Variants in CFAP97 observed in about 807,000 individuals in gnomAD.
CFAP97 encodes the protein cilia and flagella associated protein 97, also known as cilia- and flagella-associated protein 97.
CFAP97 carries 36 observed loss-of-function variants against 43.1 expected under a neutral mutation model. That is an observed-to-expected ratio of 0.84 (90% CI 0.64 to 1.10). The LOEUF is 1.10. Ranked by LOEUF, CFAP97 falls within the 50% of genes least tolerant of loss-of-function variation. The pLI, the probability that CFAP97 is intolerant of heterozygous loss-of-function variation, is 0.00. For synonymous variants in CFAP97, 228 were observed against 225.7 expected, an observed-to-expected ratio of 1.01 and a Z score of -0.09; for missense variants, 657 against 620.3, an observed-to-expected ratio of 1.06 and a Z score of -0.63.
At chr4:185,209,704 C>A, upstream of CFAP97, 1 of 980,608 alleles carries the variant, frequency 1.0e-6, no homozygotes, top group South Asian at 4.7e-5. The surrounding 1 kb of genome is among the most constrained non-coding windows in gnomAD (Gnocchi z 5.2). Context: ...GCGGCGTCTG[C>A]GGGGGCCGCT....
chr4:185,169,970 T>C (rs1329029308), intron 3 of CFAP97: 14 of 1,045,654 alleles, frequency 1.3e-5, no homozygotes, highest in African/African-American at 3.4e-5. Flanking sequence ...TTAATATTCA[T>C]AGTAGGTATG....
At position 185,160,848 on chromosome 4, in the gene CFAP97, A is replaced by G. The variant is rs1161014787; in HGVS notation, c.*1950T>C. 6.8e-6 allele frequency: 1 copy of G among 147,300 alleles called. No individual in the cohort carries two copies. Among genetic ancestry groups the G allele is most frequent in the Non-Finnish European group, 1.5e-5 (1 of 66,712 alleles). 9.1% of individuals were successfully genotyped at this position (147,300 alleles called of 1,614,324 possible). On this transcript the variant is annotated 3_prime_UTR_variant, in exon 5 of 5. Coordinates refer to ENST00000458385, the MANE Select transcript of CFAP97 (RefSeq NM_020827.3). ...ATATAAATATATAATCTTTATATATATATAAAAATCTTTTTTAAAAGATTT... is the reference window on the plus strand; with the variant it reads ...ATATAAATATATAATCTTTATATATGTATAAAAATCTTTTTTAAAAGATTT...
At chr4:185,181,027 C>T (rs1735758647) in intron 2 of CFAP97, among the ~76,000 whole-genome samples, 1 of 151,962 alleles carries the variant, frequency 6.6e-6, no homozygotes, top group African/African-American at 2.4e-5. Context: ...AAAAAGTCAG[C>T]GAGTGGCAGA....
intron 3 of CFAP97, among the ~76,000 whole-genome samples, chr4:185,165,425 A>G (rs1579226613): frequency 6.6e-6 from 1 of 152,354 alleles, no homozygotes; most frequent in East Asian, 1.9e-4. Context: ...AATTTTGTTT[A>G]TAACTATTTC....
Position 185,192,209 on chromosome 4 carries a change from T to C in CFAP97, c.-16-997A>G, listed in dbSNP as rs527951409. On this transcript the variant is annotated intron_variant, in intron 1 of 4. Coordinates refer to ENST00000458385, the MANE Select transcript of CFAP97 (RefSeq NM_020827.3). ...GTCACACATACAGGCTGCACAGGTA[T>C]GTCGAACTTCTGAATATGTAATCAC... Among the ~76,000 whole-genome samples, 122 of 152,334 alleles carry C rather than the reference T, an allele frequency of 8.0e-4. 1 individual carries two copies. Among genetic ancestry groups the C allele is most frequent in the African/African-American group, 2.7e-3 (114 of 41,582 alleles).
At chr4:185,183,351 T>G (rs1735877273) in intron 2 of CFAP97, among the ~76,000 whole-genome samples, 1 of 152,216 alleles carries the variant, frequency 6.6e-6, no homozygotes, top group East Asian at 1.9e-4. Flanking sequence ...GCTCACATGT[T>G]GTCTTCACCA....
At chr4:185,174,776 C>G (rs979031951) in intron 3 of CFAP97, among the ~76,000 whole-genome samples, 1 of 152,160 alleles carries the variant, frequency 6.6e-6, no homozygotes, top group Non-Finnish European at 1.5e-5. Flanking sequence ...AAATAGTTAT[C>G]TACTTCAGAG....
intron 2 of CFAP97, among the ~76,000 whole-genome samples, chr4:185,180,992 T>C (rs925930668): frequency 5.9e-5 from 9 of 152,174 alleles, no homozygotes; most frequent in Admixed American, 5.2e-4. Context: ...AAACCAATTA[T>C]ATGTGAACAT....
At position 185,175,774 on chromosome 4, in the gene CFAP97, T is replaced by C. The variant is rs1471384555; in HGVS notation, c.1320+12A>G. On this transcript the variant is annotated intron_variant, in intron 3 of 4. Coordinates refer to ENST00000458385, the MANE Select transcript of CFAP97 (RefSeq NM_020827.3). Reference sequence around the variant, plus strand: ...ACATTTTCTTTGATGACTAATTATTTCAGTTACTTACCAAGTTTTCTCTCT... The same window carrying C: ...ACATTTTCTTTGATGACTAATTATTCCAGTTACTTACCAAGTTTTCTCTCT... 49 of 1,607,790 alleles carry C rather than the reference T, an allele frequency of 3.0e-5. No homozygotes were observed. Among genetic ancestry groups the C allele is most frequent in the Non-Finnish European group, 3.8e-5 (45 of 1,176,106 alleles).
intron 2 of CFAP97, among the ~76,000 whole-genome samples, chr4:185,182,809 C>T (rs1461248370): frequency 6.6e-6 from 1 of 152,078 alleles, no homozygotes; most frequent in Admixed American, 6.6e-5. Context: ...ATTTCATAAA[C>T]AACAAACGGG....
At position 185,190,879 on chromosome 4, in the gene CFAP97, A is replaced by G. The variant is rs574353661; in HGVS notation, c.318T>C (p.Val106=). The G allele has an allele frequency of 1.9e-6, 3 of 1,612,826 alleles. No homozygotes were observed. Among genetic ancestry groups the G allele is most frequent in the Non-Finnish European group, 2.5e-6 (3 of 1,179,382 alleles). The change falls in exon 2 of 5, where the codon GTT becomes GTC. Residue 106 remains valine (V), a synonymous_variant. Transcript: ENST00000458385. Reference sequence around the variant, plus strand: ...ACACGTGTATTTTAAGTCCTGTTGTAACATCACACAATTTTTTTGATCTTG... The same window carrying G: ...ACACGTGTATTTTAAGTCCTGTTGTGACATCACACAATTTTTTTGATCTTG... ...ASSRSKKLCD[V]TTGLKIHVSI...
At chr4:185,177,129 T>C (rs7682368) in intron 2 of CFAP97, among the ~76,000 whole-genome samples, 70,026 of 152,036 alleles carry the variant, frequency 0.46, 16,158 homozygotes, top group Middle Eastern at 0.56. Flanking sequence ...AGGGACACAC[T>C]GAGGCCAGGC....
In CFAP97 at chr4:185,190,926, A is replaced by T. The variant is rs1736220189; in HGVS notation, c.271T>A (p.Ser91Thr). 1 of 1,613,698 alleles carries T rather than the reference A, an allele frequency of 6.2e-7. No individual in the cohort carries two copies. Among genetic ancestry groups the T allele is most frequent in the African/African-American group, 1.3e-5 (1 of 74,928 alleles). The change falls in exon 2 of 5, where the codon TCT becomes ACT. Residue 91 changes from serine to threonine, a missense_variant. Physicochemically the swap from Ser to Thr is moderately conservative, Grantham distance 58. Coordinates refer to ENST00000458385, the MANE Select transcript of CFAP97 (RefSeq NM_020827.3). The part of the protein sequence containing the change: ...VENDVTQTVS[S>T]FSLPASSRSK... ...CTTGAAGAGGCTGGCAATGAGAAAGAACTTACAGTTTGTGTAACATCATTC... is the reference window on the plus strand; with the variant it reads ...CTTGAAGAGGCTGGCAATGAGAAAGTACTTACAGTTTGTGTAACATCATTC...
chr4:185,196,540 A>C (rs576540570), intron 1 of CFAP97, among the ~76,000 whole-genome samples: 114 of 152,254 alleles, frequency 7.5e-4, no homozygotes, highest in African/African-American at 2.6e-3. Flanking sequence ...TATTACTTAA[A>C]TGCATTGAGT....
chr4:185,194,857 T>C (rs1229082788), intron 1 of CFAP97, among the ~76,000 whole-genome samples: 2 of 152,226 alleles, frequency 1.3e-5, no homozygotes, highest in African/African-American at 2.4e-5. Context: ...AACCCCATTA[T>C]AGTTCCATTA....
In CFAP97 at chr4:185,190,232, T is replaced by C. The variant is rs532611860; in HGVS notation, c.965A>G (p.Lys322Arg). The change falls in exon 2 of 5, where the codon AAG becomes AGG. Residue 322 changes from lysine (K) to arginine (R), a missense_variant. By Grantham distance (26) the Lys-to-Arg change is conservative (BLOSUM62 2). Transcript: ENST00000458385. ...KEKHEPDVSS[K>R]SSSVLDSSLD... ...ACTGGAGTCTAACACTGAAGACGAC[T>C]TTGAGGAGACATCAGGCTCATGTTT... 4 of 1,613,746 alleles carry C rather than the reference T, an allele frequency of 2.5e-6. No individual in the cohort carries two copies. The African/African-American group carries it at 5.3e-5, about 21-fold the overall frequency.
chr4:185,194,992 T>G (rs566776663), intron 1 of CFAP97, among the ~76,000 whole-genome samples: 40 of 152,270 alleles, frequency 2.6e-4, no homozygotes, highest in African/African-American at 4.1e-4. Flanking sequence ...TTCTGCTACT[T>G]CCCAGTTGTG....
chr4:185,190,928 C>T lies in CFAP97; in HGVS notation c.269G>A (p.Ser90Asn), dbSNP rs759663072. The T allele has an allele frequency of 1.5e-4, 243 of 1,613,602 alleles. No homozygotes were observed. Among genetic ancestry groups the T allele is most frequent in the Non-Finnish European group, 1.9e-4 (228 of 1,179,776 alleles). ...PVENDVTQTVSSFSLPASSRS... is the reference protein window; with the variant it reads ...PVENDVTQTVNSFSLPASSRS... ...TGAAGAGGCTGGCAATGAGAAAGAA[C>T]TTACAGTTTGTGTAACATCATTCTC... Residue 90 changes from serine (S) to asparagine (N), a missense_variant, in exon 2 of 5, where the codon AGT becomes AAT. By Grantham distance (46) the Ser-to-Asn change is conservative. Coordinates refer to ENST00000458385, the MANE Select transcript of CFAP97 (RefSeq NM_020827.3).
intron 2 of CFAP97, among the ~76,000 whole-genome samples, chr4:185,188,053 C>T (rs1466573202): frequency 3.9e-5 from 6 of 151,944 alleles, no homozygotes; most frequent in East Asian, 3.9e-4. Context: ...CCTGCCACCA[C>T]GCCCAGCTAA....
Sources: allele counts gnomAD v4.1 joint callset (sites outside exome capture counted in the v4.1 genomes callset), GRCh38; gene constraint gnomAD v4.1.1; non-coding constraint Gnocchi (gnomAD v3.1); transcripts MANE v1.5; gene names NCBI Gene and HGNC (gene_info 2026-07-23, HGNC 2026-07-21).